The following MYO3A variants were observed in gnomAD, a reference collection of about 807,000 sequenced individuals.
The protein encoded by MYO3A is myosin-IIIa.
In MYO3A, 180 loss-of-function variants were observed where a neutral mutation model predicts 192.7. That is an observed-to-expected ratio of 0.93 (90% confidence interval 0.83 to 1.06). The LOEUF is 1.06. MYO3A is among the 50% of genes least tolerant of loss of function. MYO3A has a pLI of 0.00. For synonymous variants in MYO3A, 628 were observed against 645.3 expected (o/e 0.97, Z 0.41); for missense variants, 1,896 against 1,905.0 (o/e 1.00, Z 0.09).
intron 23 of MYO3A, among the ~76,000 whole-genome samples, chr10:26,150,701 C>G (rs1319594905): frequency 6.6e-6 from 1 of 152,160 alleles, no homozygotes; most frequent in African/African-American, 2.4e-5. Flanking sequence ...TGTGTCTTCT[C>G]TCATTTTATT....
chr10:26,047,620 A>G (rs1457232058), intron 10 of MYO3A, among the ~76,000 whole-genome samples: 5 of 151,684 alleles, frequency 3.3e-5, no homozygotes, highest in Admixed American at 3.3e-4. Flanking sequence ...AAAAATACAA[A>G]AAAAATTAGC....
At chr10:26,201,003 T>C (rs1843653228) in intron 32 of MYO3A, 1 of 190,662 alleles carries the variant, frequency 5.2e-6, no homozygotes, top group African/African-American at 2.4e-5. Context: ...TTTATATTGG[T>C]CACTGTGTGG....
At chr10:26,017,743 A>G (rs1156365631) in intron 7 of MYO3A, among the ~76,000 whole-genome samples, 1 of 151,840 alleles carries the variant, frequency 6.6e-6, no homozygotes, top group African/African-American at 2.4e-5. Flanking sequence ...GAAACTTAAA[A>G]AAATCCACAA....
At chr10:25,954,828 C>T in intron 3 of MYO3A, 46 bp from the exon 4 acceptor site, 1 of 1,579,208 alleles carries the variant, frequency 6.3e-7, no homozygotes, top group Non-Finnish European at 8.7e-7. Flanking sequence ...TTTGACATTA[C>T]TCATGGTTTT....
chr10:26,113,480 A>C (rs1838316894), intron 17 of MYO3A, among the ~76,000 whole-genome samples: 1 of 150,828 alleles, frequency 6.6e-6, no homozygotes, highest in Admixed American at 6.6e-5. Context: ...AAAAAACAAA[A>C]AAAAAAACAA....
chr10:26,084,783 C>T (rs571243549), intron 14 of MYO3A, among the ~76,000 whole-genome samples: 131 of 152,310 alleles, frequency 8.6e-4, no homozygotes, highest in African/African-American at 3.0e-3. Flanking sequence ...GAATTATAGA[C>T]ATTAGCCACA....
intron 10 of MYO3A, among the ~76,000 whole-genome samples, chr10:26,032,905 T>G (rs1187168635): frequency 6.6e-6 from 1 of 152,184 alleles, no homozygotes; most frequent in Non-Finnish European, 1.5e-5. Flanking sequence ...TTGGAACATA[T>G]ACGCTTTTCC....
chr10:26,166,611 G>T (rs1841766960), intron 27 of MYO3A, among the ~76,000 whole-genome samples: 4 of 152,228 alleles, frequency 2.6e-5, no homozygotes, highest in South Asian at 4.1e-4. Flanking sequence ...ATCAAAAAAG[G>T]ATAAACCATA....
chr10:26,197,357 A>C (rs1313054470), intron 32 of MYO3A, among the ~76,000 whole-genome samples: 1 of 152,160 alleles, frequency 6.6e-6, no homozygotes, highest in African/African-American at 2.4e-5. Flanking sequence ...AACTCAGATA[A>C]AACAAAAGTT....
intron 14 of MYO3A, among the ~76,000 whole-genome samples, chr10:26,072,456 G>C (rs1249541278): frequency 6.6e-6 from 1 of 152,128 alleles, no homozygotes; most frequent in African/African-American, 2.4e-5. Flanking sequence ...ATTAAAACTA[G>C]GGGTTTACAT....
At chr10:26,137,210 C>T (rs915983603) in intron 20 of MYO3A, among the ~76,000 whole-genome samples, 2 of 152,102 alleles carry the variant, frequency 1.3e-5, no homozygotes, top group Non-Finnish European at 2.9e-5. Context: ...GTAGGTTATT[C>T]TATATTTTAA....
chr10:26,037,531 A>ATC (rs1428424581), intron 10 of MYO3A, among the ~76,000 whole-genome samples: 1 of 152,140 alleles, frequency 6.6e-6, no homozygotes, highest in East Asian at 1.9e-4. Flanking sequence ...AGAGATAGGG[A>ATC]TCTAGTTTCA....
intron 4 of MYO3A, among the ~76,000 whole-genome samples, chr10:25,973,277 C>G (rs1485367391): frequency 6.6e-6 from 1 of 152,038 alleles, no homozygotes; most frequent in Non-Finnish European, 1.5e-5. Flanking sequence ...ATTTGCCACT[C>G]TGCTTGTCTA....
chr10:25,966,141 C>T (rs1392139563), intron 4 of MYO3A, among the ~76,000 whole-genome samples: 2 of 152,052 alleles, frequency 1.3e-5, no homozygotes, highest in African/African-American at 4.8e-5. Flanking sequence ...TTCTATTCTG[C>T]CATCTTGCCC....
At chr10:26,112,857 G>A (rs1333938210) in intron 17 of MYO3A, among the ~76,000 whole-genome samples, 2 of 152,116 alleles carry the variant, frequency 1.3e-5, no homozygotes, top group Non-Finnish European at 2.9e-5. Flanking sequence ...TAAATGATTG[G>A]TAGTTTGATG....
chr10:26,018,376 A>T (rs147663574), intron 7 of MYO3A, among the ~76,000 whole-genome samples: 129 of 152,316 alleles, frequency 8.5e-4, no homozygotes, highest in African/African-American at 3.1e-3. Flanking sequence ...CTTTCTAGTT[A>T]ATCAAGATAT....
chr10:26,035,707 A>T (rs1410689440), intron 10 of MYO3A, among the ~76,000 whole-genome samples: 1 of 152,170 alleles, frequency 6.6e-6, no homozygotes, highest in African/African-American at 2.4e-5. Context: ...CTCAAGTATA[A>T]TGATTTTTCA....
chr10:26,103,345 C>G (rs529431475), intron 17 of MYO3A, among the ~76,000 whole-genome samples: 1 of 152,192 alleles, frequency 6.6e-6, no homozygotes, highest in Non-Finnish European at 1.5e-5. Context: ...CCAGGTGAGG[C>G]GATGCCCTGC....
chr10:26,202,901 T>A (rs1238544966), intron 33 of MYO3A, 63 bp from the exon 34 acceptor site: 3 of 1,572,692 alleles, frequency 1.9e-6, no homozygotes, highest in Non-Finnish European at 2.6e-6. Flanking sequence ...AAAAGTATCC[T>A]GTAAGTTTAA....
Sources: gnomAD v4.1 joint callset for allele counts (sites outside exome capture counted in the v4.1 genomes callset) on GRCh38, gnomAD v4.1.1 for gene constraint, MANE v1.5 for transcripts, NCBI Gene and HGNC (gene_info 2026-07-23, HGNC 2026-07-21) for gene names.